PKD1: variants seen among roughly 807,000 people sequenced by gnomAD.
The protein encoded by PKD1 is polycystin-1.
A neutral mutation model predicts 361.7 loss-of-function variants in PKD1; 81 were observed. That is an observed-to-expected ratio of 0.22 (90% CI 0.19 to 0.27). The LOEUF (loss-of-function observed/expected upper bound fraction) is 0.27, where lower values mean the gene tolerates loss of function less well. Ranked by LOEUF, PKD1 falls within the 10% of genes least tolerant of loss-of-function variation. PKD1 has a pLI of 1.00. For missense variants in PKD1, 6,399 were observed against 6,118.3 expected, an observed-to-expected ratio of 1.05 and a Z score of -1.53; for synonymous variants, 3,615 against 2,818.3, an observed-to-expected ratio of 1.28 and a Z score of -8.95.
Position 2,110,453 on chromosome 16 carries a change from G to A in PKD1, c.4714C>T (p.Leu1572=), listed in dbSNP as rs749844950. 3.1e-6 allele frequency: 5 copies of A among 1,612,470 alleles called. No homozygotes were observed. Among genetic ancestry groups the A allele is most frequent in the African/African-American group, 2.7e-5 (2 of 74,924 alleles). The change falls in exon 15 of 46, where the codon CTG becomes TTG. Residue 1572 remains leucine, a synonymous_variant. Coordinates refer to ENST00000262304, the MANE Select transcript of PKD1 (RefSeq NM_001009944.3). ...LNGSVSFSTS[L]EAGSDVRYSW... is the part of the protein sequence containing the mutation. ...TAGCGCACATCACTGCCGGCCTCCA[G>A]CGACGTGCTGAAGCTCACGCTCCCA...
intron 34 of PKD1, chr16:2,094,670 C>T: frequency 4.2e-6 from 1 of 236,618 alleles, no homozygotes; most frequent in Non-Finnish European, 8.5e-6. Flanking sequence ...CCTTTCAAAT[C>T]CCAACAGTGT....
In PKD1 at chr16:2,112,468, G is replaced by A; in HGVS notation, c.3167C>T (p.Thr1056Ile). ...GAGGGCCTGCTCCCCATCCCCAAAG[G>A]TCCACCTGCCGGGGCGGTGGGACGC... ...DSAVEVAFLW[T>I]FGDGEQALHQ... The change falls in exon 14 of 46, where the codon ACC becomes ATC. Residue 1056 changes from threonine (T) to isoleucine (I), a missense_variant. Coordinates refer to ENST00000262304, the MANE Select transcript of PKD1 (RefSeq NM_001009944.3). 6.3e-7 allele frequency: 1 copy of A among 1,588,852 alleles called. No homozygotes were observed. Among genetic ancestry groups the A allele is most frequent in the Non-Finnish European group, 8.5e-7 (1 of 1,176,166 alleles).
intron 22 of PKD1, 137 bp downstream of exon 22, chr16:2,104,356 AGGGGG>A: frequency 6.5e-6 from 3 of 459,228 alleles, no homozygotes; most frequent in Non-Finnish European, 1.2e-5. Context: ...GAATTGGGGG[AGGGGG>A]ATGAGGATGG....
intron 1 of PKD1, chr16:2,119,873 G>A: frequency 1.4e-6 from 1 of 700,286 alleles, no homozygotes; most frequent in Non-Finnish European, 2.6e-6. Context: ...CTACCAGGGA[G>A]CACAGGGGAG....
At chr16:2,104,884 G>C (rs954638006) in intron 21 of PKD1, among the ~76,000 whole-genome samples, 18 of 95,932 alleles carry the variant, frequency 1.9e-4, no homozygotes, top group African/African-American at 7.1e-4. Context: ...ACATGAGAGC[G>C]GAGGAGGAGG....
Position 2,093,018 on chromosome 16 carries a change from C to G in PKD1, c.11092G>C (p.Ala3698Pro). The G allele has an allele frequency of 6.2e-7, 1 of 1,612,914 alleles. No homozygotes were observed. The highest frequency in any genetic ancestry group is 8.5e-7 in the Non-Finnish European group (1 of 1,179,952). Residue 3698 changes from alanine to proline, a missense_variant, in exon 38 of 46, where the codon GCC (alanine) becomes CCC (proline). By Grantham distance (27) the Ala-to-Pro change is conservative (BLOSUM62 -1). Transcript: ENST00000262304. ...TTGATGGCGCTTTGCAGACGGTAGG[C>G]GTGCCCATGGCATGAGGCATCCCCA... ...SYGDASCHGH[A>P]YRLQSAIKQE...
rs1056551211 is a variant in PKD1 at position 2,088,853 on chromosome 16, C to G, written c.*874G>C. The G allele has an allele frequency of 5.2e-6, 3 of 575,134 alleles. No homozygotes were observed. Among genetic ancestry groups the G allele is most frequent in the African/African-American group, 1.9e-5 (1 of 51,582 alleles). 35.6% of individuals were successfully genotyped at this position (575,134 alleles called of 1,614,324 possible). ...CCGAGGGCCTTGAGGCTGCCTGGGC[C>G]ATACAGCACACTCGCGCGTGCGCGC... On this transcript the variant is annotated 3_prime_UTR_variant, in exon 46 of 46. Transcript: ENST00000262304.
rs771365921 is a variant in PKD1 at position 2,103,293 on chromosome 16, G to C, written c.8764C>G (p.Leu2922Val). The change falls in exon 23 of 46, where the codon CTG (leucine) becomes GTG (valine). Residue 2922 changes from leucine to valine, a missense_variant. Leu to Val is a conservative substitution (Grantham distance 32, BLOSUM62 1). Coordinates refer to ENST00000262304, the MANE Select transcript of PKD1 (RefSeq NM_001009944.3). Reference protein sequence around the residue: ...DSSNPAAGLHLQLNYTLLDGH... With the variant: ...DSSNPAAGLHVQLNYTLLDGH... ...TCCAGCAGCGTATAGTTGAGCTGCA[G>C]ATGCAGCCCGGCCGCAGGGTTGCTG... 7 of 1,609,506 alleles carry C rather than the reference G, an allele frequency of 4.3e-6. No homozygotes were observed. Among genetic ancestry groups the C allele is most frequent in the Non-Finnish European group, 5.9e-6 (7 of 1,179,674 alleles).
chr16:2,108,582 G>A lies in PKD1; in HGVS notation c.6585C>T (p.Cys2195=), dbSNP rs1675255753. The change falls in exon 15 of 46, where the codon TGC becomes TGT. Residue 2195 remains cysteine, a synonymous_variant. Coordinates refer to ENST00000262304, the MANE Select transcript of PKD1 (RefSeq NM_001009944.3). The stretch of plus-strand genomic sequence containing the variant: ...CACGCGCTGGGCGCCCCGGCCGCTG[G>A]CAGCTGGCGGTGCGATACACCTCCC... ...YRWEVYRTAS[C]QRPGRPARVA... The A allele has an allele frequency of 1.9e-6, 3 of 1,559,432 alleles. No individual in the cohort carries two copies. The highest frequency in any genetic ancestry group is 2.6e-6 in the Non-Finnish European group (3 of 1,152,014).
At chr16:2,102,322 G>A (rs1191798266) in intron 25 of PKD1, 59 bp downstream of exon 25, 13 of 1,510,798 alleles carry the variant, frequency 8.6e-6, no homozygotes, top group African/African-American at 2.8e-5. Flanking sequence ...GGATAGAGCC[G>A]AGCCCACCCA....
In PKD1 at chr16:2,100,456, T is replaced by C. The variant is rs2092048179; in HGVS notation, c.9508A>G (p.Ile3170Val). 1.2e-6 allele frequency: 2 copies of C among 1,610,828 alleles called. No individual in the cohort carries two copies. Among genetic ancestry groups the C allele is most frequent in the East Asian group, 2.2e-5 (1 of 44,878 alleles). The change falls in exon 27 of 46, where the codon ATC (isoleucine) becomes GTC (valine). Residue 3170 changes from isoleucine (I) to valine (V), a missense_variant. Coordinates refer to ENST00000262304, the MANE Select transcript of PKD1 (RefSeq NM_001009944.3). The surrounding 1 kb of genome is among the most constrained non-coding windows in gnomAD (Gnocchi z 4.4). ...CTACCCAGGCTGTGCGGGGTGGCGA[T>C]CCGGAAGATGTCCAGGCTGTTGCGG... is the stretch of plus-strand genomic sequence containing the variant. The part of the protein sequence containing the change: ...FHRNSLDIFR[I>V]ATPHSLGSVW...
At position 2,103,594 on chromosome 16, in the gene PKD1, G is replaced by T; in HGVS notation, c.8463C>A (p.Asp2821Glu). The T allele has an allele frequency of 1.2e-6, 2 of 1,610,366 alleles. No individual in the cohort carries two copies. Among genetic ancestry groups the T allele is most frequent in the Non-Finnish European group, 1.7e-6 (2 of 1,179,696 alleles). ...AFSGALANLS[D>E]VVQLIFLVDS... Reference sequence around the variant, plus strand: ...CCACCAGAAAGATGAGCTGCACCACGTCACTGAGGTTGGCCAGGGCCCCGC... The same window carrying T: ...CCACCAGAAAGATGAGCTGCACCACTTCACTGAGGTTGGCCAGGGCCCCGC... The change falls in exon 23 of 46, where the codon GAC becomes GAA. Residue 2821 changes from aspartate to glutamate, a missense_variant. Transcript: ENST00000262304.
rs1194904011 is a variant in PKD1 at position 2,091,454 on chromosome 16, C to T, written c.11681G>A (p.Ser3894Asn). 14 of 1,238,776 alleles carry T rather than the reference C, an allele frequency of 1.1e-5. No individual in the cohort carries two copies. The highest frequency in any genetic ancestry group is 1.1e-5 in the Non-Finnish European group (11 of 989,184). The allele number at this position is 1,238,776 out of a possible 1,614,324, so 76.7% of individuals were successfully genotyped here. ...GAGCAGAGGCAGCGAGAGGCCCGCG[C>T]TGAGGCGGCGCAGCGCAAAGGGGCG... ...SVRPFALRRLSAGLSLPLLTS... is the reference protein window; with the variant it reads ...SVRPFALRRLNAGLSLPLLTS... The change falls in exon 42 of 46, where the codon AGC (serine) becomes AAC (asparagine). Residue 3894 changes from serine to asparagine, a missense_variant. Transcript: ENST00000262304.
At position 2,111,491 on chromosome 16, in the gene PKD1, C is replaced by G. The variant is rs1390271390; in HGVS notation, c.3676G>C (p.Gly1226Arg). ...GCGGCGCTGACCACCACGGGGGCGC[C>G]CTGCTCCACGGCCAGGCTCATGTCC... is the stretch of plus-strand genomic sequence containing the variant. ...SVDMSLAVEQ[G>R]APVVVSAAVQ... Residue 1226 changes from glycine (G) to arginine (R), a missense_variant, in exon 15 of 46, where the codon GGC (glycine) becomes CGC (arginine). Transcript: ENST00000262304. The G allele has an allele frequency of 4.3e-6, 7 of 1,611,088 alleles. No individual in the cohort carries two copies. In the South Asian group the frequency reaches 5.5e-5, roughly 13 times the overall value.
intron 1 of PKD1, among the ~76,000 whole-genome samples, chr16:2,124,003 C>G (rs1259639779): frequency 6.6e-6 from 1 of 152,214 alleles, no homozygotes; most frequent in Admixed American, 6.5e-5. Flanking sequence ...TTAGGACCAT[C>G]CTAGCGTGGG....
In PKD1 at chr16:2,112,370, G is replaced by C; in HGVS notation, c.3265C>G (p.His1089Asp). ...GCAGCGTAGGTGTGCATGACATTGT[G>C]CTCCACCAGCACCTGGGCCACCGAG... is the stretch of plus-strand genomic sequence containing the variant. ...DPSVAQVLVE[H>D]NVMHTYAAPG... The change falls in exon 14 of 46, where the codon CAC (histidine) becomes GAC (aspartate). Residue 1089 changes from histidine to aspartate, a missense_variant. Coordinates refer to ENST00000262304, the MANE Select transcript of PKD1 (RefSeq NM_001009944.3). 6.3e-7 allele frequency: 1 copy of C among 1,586,914 alleles called. No individual in the cohort carries two copies. Among genetic ancestry groups the C allele is most frequent in the Non-Finnish European group, 8.5e-7 (1 of 1,174,128 alleles).
At chr16:2,096,219 G>A (rs954876804) in intron 34 of PKD1, among the ~76,000 whole-genome samples, 5 of 152,240 alleles carry the variant, frequency 3.3e-5, no homozygotes, top group Non-Finnish European at 5.9e-5. Flanking sequence ...CCCAGACACC[G>A]CAGCCCCTGT....
rs1004725342 is a variant in PKD1, at chr16:2,102,389, C to G, written c.9193G>C (p.Val3065Leu). 6.4e-7 allele frequency: 1 copy of G among 1,557,702 alleles called. No homozygotes were observed. Among genetic ancestry groups the G allele is most frequent in the Non-Finnish European group, 8.7e-7 (1 of 1,151,654 alleles). ...AGCACAGGGTCACTCACAGGAAACA[C>G]AAAGCGGACATGGCTTGGGGGCACG... ...LFVPPSHVRF[V>L]FPEPTADVNY... Residue 3065 changes from valine to leucine, a missense_variant, in exon 25 of 46, where the codon GTG becomes CTG. Val to Leu is a conservative substitution (Grantham distance 32). Coordinates refer to ENST00000262304, the MANE Select transcript of PKD1 (RefSeq NM_001009944.3).
At chr16:2,119,538 C>G in intron 1 of PKD1, 160 bp from the exon 2 acceptor site, 1 of 690,294 alleles carries the variant, frequency 1.4e-6, no homozygotes, top group Non-Finnish European at 2.6e-6. Flanking sequence ...ATGGAAGACC[C>G]AAATGAACAC....
Sources: allele counts gnomAD v4.1 joint callset (sites outside exome capture counted in the v4.1 genomes callset), GRCh38; gene constraint gnomAD v4.1.1; non-coding constraint Gnocchi (gnomAD v3.1); transcripts MANE v1.5; gene names NCBI Gene and HGNC (gene_info 2026-07-23, HGNC 2026-07-21).